The following ALG6 variants were observed in gnomAD, a reference collection of about 807,000 sequenced individuals.
The protein encoded by ALG6 is dolichyl pyrophosphate Man9GlcNAc2 alpha-1,3-glucosyltransferase.
ALG6 carries 46 observed loss-of-function variants against 66.6 expected under a neutral mutation model. That is an observed-to-expected ratio of 0.69 (90% confidence interval 0.55 to 0.88). The LOEUF (loss-of-function observed/expected upper bound fraction) is 0.88. Among genes scored for constraint, ALG6 ranks in the 40% least tolerant of loss-of-function variants. ALG6 has a pLI of 0.00. For missense variants in ALG6, 505 were observed against 586.8 expected, an observed-to-expected ratio of 0.86 and a Z score of 1.44; for synonymous variants, 185 against 203.7, an observed-to-expected ratio of 0.91 and a Z score of 0.78.
chr1:63,378,878 A>C (rs1204380439), intron 2 of ALG6, among the ~76,000 whole-genome samples: 5 of 136,828 alleles, frequency 3.7e-5, no homozygotes, highest in African/African-American at 1.4e-4. Context: ...TTTTTTTTTA[A>C]CTCCCCATTG....
At chr1:63,386,000 A>G (rs1319619566) in intron 2 of ALG6, among the ~76,000 whole-genome samples, 4 of 152,088 alleles carry the variant, frequency 2.6e-5, no homozygotes, top group Non-Finnish European at 4.4e-5. Context: ...TCTAAACTCA[A>G]TTTTTTGAGG....
chr1:63,418,809 TAGATGTGTAGCATGGATA>T (rs1443445444), intron 11 of ALG6, among the ~76,000 whole-genome samples: 28 of 152,320 alleles, frequency 1.8e-4, no homozygotes, highest in Admixed American at 8.5e-4. Context: ...GCTGATGGGT[TAGATGTGTAGCATGGATA>T]AGATTCAAGG....
intron 5 of ALG6, among the ~76,000 whole-genome samples, chr1:63,405,740 A>G (rs1302471028): frequency 1.3e-5 from 2 of 152,080 alleles, no homozygotes; most frequent in Non-Finnish European, 2.9e-5. Context: ...TAAGCTCTTT[A>G]GACAGCTATG....
Position 63,411,130 on chromosome 1 carries a change from C to A in ALG6, c.495-16C>A, listed in dbSNP as rs371088118. 9 of 1,612,304 alleles carry A rather than the reference C, an allele frequency of 5.6e-6. No homozygotes were observed. The African/African-American group carries it at 1.1e-4, about 19-fold the overall frequency. ...TTTAAAAGATTATTGAGATAATTTCCTTGACACAGGAACATATATAATTCT... is the reference window on the plus strand; with the variant it reads ...TTTAAAAGATTATTGAGATAATTTCATTGACACAGGAACATATATAATTCT... On this transcript the variant is annotated splice_polypyrimidine_tract_variant and intron_variant, in intron 7 of 14. Coordinates refer to ENST00000263440, the MANE Select transcript of ALG6 (RefSeq NM_013339.4).
intron 3 of ALG6, among the ~76,000 whole-genome samples, chr1:63,398,507 C>G (rs181879246): frequency 1.3e-5 from 2 of 152,158 alleles, no homozygotes; most frequent in Admixed American, 6.5e-5. Flanking sequence ...GAGTCTCGCT[C>G]TGTTGTCCAG....
chr1:63,391,308 G>A (rs1487367256), intron 2 of ALG6, among the ~76,000 whole-genome samples: 2 of 152,132 alleles, frequency 1.3e-5, no homozygotes, highest in Non-Finnish European at 2.9e-5. Context: ...ATGAAGACCC[G>A]AAGAAACAGT....
intron 2 of ALG6, among the ~76,000 whole-genome samples, chr1:63,373,496 G>A (rs576012320): frequency 1.2e-3 from 182 of 151,596 alleles, no homozygotes; most frequent in Admixed American, 3.1e-3. Context: ...TGGGGAGGCT[G>A]AGGCACGAGA....
chr1:63,408,254 A>G (rs187881232), intron 7 of ALG6, among the ~76,000 whole-genome samples: 8 of 152,294 alleles, frequency 5.3e-5, no homozygotes, highest in Admixed American at 3.9e-4. Context: ...TGAAAGGGAC[A>G]GCATAGTAAG....
In ALG6 at chr1:63,392,239, C is replaced by T. The variant is rs538057359; in HGVS notation, c.83-4274C>T. On this transcript the variant is annotated intron_variant, in intron 2 of 14. Coordinates refer to ENST00000263440, the MANE Select transcript of ALG6 (RefSeq NM_013339.4). ...AGGCTGGAGTGCAATGGCATGATCTCGGCTCACTGCAACCTCTGCCTCCCA... is the reference window on the plus strand; with the variant it reads ...AGGCTGGAGTGCAATGGCATGATCTTGGCTCACTGCAACCTCTGCCTCCCA... 9.6e-4 allele frequency among the ~76,000 whole-genome samples: 145 copies of T among 151,762 alleles called. No individual in the cohort carries two copies. The South Asian group carries it at 0.011, about 11-fold the overall frequency.
rs116660078 is a variant in ALG6 at position 63,429,123 on chromosome 1, T to C, written c.1323T>C (p.Tyr441=). 17,769 of 1,587,532 alleles carry C rather than the reference T, an allele frequency of 0.011. 127 individuals carry two copies. The highest frequency in any genetic ancestry group is 0.014 in the Non-Finnish European group (16,135 of 1,162,368). ...CFTFLSRIIQ[Y]LFLISVITMV... ...CATTTCTTTCCAGAATTATACAATA[T>C]TTGGTAAGTTCAATTTTTAAGAAAT... is the stretch of plus-strand genomic sequence containing the variant. Residue 441 remains tyrosine (Y), a synonymous_variant, in exon 14 of 15, where the codon TAT becomes TAC. Coordinates refer to ENST00000263440, the MANE Select transcript of ALG6 (RefSeq NM_013339.4).
chr1:63,431,836 C>T (rs1477780584), intron 14 of ALG6, among the ~76,000 whole-genome samples: 1 of 152,028 alleles, frequency 6.6e-6, no homozygotes. Flanking sequence ...TCATAATGTT[C>T]ATTGCTACTA....
At chr1:63,386,714 G>A (rs1047148142) in intron 2 of ALG6, among the ~76,000 whole-genome samples, 1 of 151,658 alleles carries the variant, frequency 6.6e-6, no homozygotes, top group Non-Finnish European at 1.5e-5. Flanking sequence ...TTTTTTCCTA[G>A]TCTGGCTAAA....
intron 2 of ALG6, among the ~76,000 whole-genome samples, chr1:63,373,254 G>GC (rs1161927474): frequency 6.6e-6 from 1 of 151,478 alleles, no homozygotes; most frequent in Non-Finnish European, 1.5e-5. Context: ...TGATCTGCCT[G>GC]CCCCAGCCTC....
Position 63,404,476 on chromosome 1 carries a change from G to C in ALG6, c.281G>C (p.Trp94Ser), listed in dbSNP as rs1644480834. 1 of 1,613,624 alleles carries C rather than the reference G, an allele frequency of 6.2e-7. No homozygotes were observed. The highest frequency in any genetic ancestry group is 1.3e-5 in the African/African-American group (1 of 75,014). ...AGGGCAAAGTTTATAAATCCAGACT[G>C]GATTGCTCTCCATACATCACGTGGA... The part of the protein sequence containing the change: ...AYVAKFINPD[W>S]IALHTSRGYE... Residue 94 changes from tryptophan (W) to serine (S), a missense_variant, in exon 5 of 15, where the codon TGG (tryptophan) becomes TCG (serine). By Grantham distance (177) the Trp-to-Ser change is radical. Coordinates refer to ENST00000263440, the MANE Select transcript of ALG6 (RefSeq NM_013339.4).
At chr1:63,382,898 G>A (rs11208202) in intron 2 of ALG6, among the ~76,000 whole-genome samples, 24,228 of 151,798 alleles carry the variant, frequency 0.16, 2,322 homozygotes, top group South Asian at 0.23. Flanking sequence ...GGATGGTCTC[G>A]AGCTCCTGAC....
rs866128512 is a variant in ALG6, at chr1:63,400,361, G to A, written c.168-1893G>A. Among the ~76,000 whole-genome samples, 14 of 101,204 alleles carry A rather than the reference G, an allele frequency of 1.4e-4. 2 individuals are homozygous for A. The highest frequency in any genetic ancestry group is 4.8e-4 in the African/African-American group (10 of 20,806). 66.4% of individuals were successfully genotyped at this position (101,204 alleles called of 152,430 possible). ...CGTATATATATATGTATATATATAT[G>A]TATATATATGTATATATATATAAAA... On this transcript the variant is annotated intron_variant, in intron 3 of 14. Coordinates refer to ENST00000263440, the MANE Select transcript of ALG6 (RefSeq NM_013339.4).
intron 2 of ALG6, among the ~76,000 whole-genome samples, chr1:63,390,115 T>C (rs905722410): frequency 2.0e-5 from 3 of 152,150 alleles, no homozygotes; most frequent in African/African-American, 7.2e-5. Flanking sequence ...GGCCCAAGGG[T>C]TCTTCATCAG....
intron 7 of ALG6, 93 bp from the exon 8 acceptor site, chr1:63,411,053 C>G: frequency 8.1e-7 from 1 of 1,235,608 alleles, no homozygotes; most frequent in Non-Finnish European, 1.2e-6. Context: ...TATGAGCTTG[C>G]ATTTCCTAGA....
At chr1:63,374,973 G>A (rs1338660727) in intron 2 of ALG6, among the ~76,000 whole-genome samples, 1 of 152,114 alleles carries the variant, frequency 6.6e-6, no homozygotes, top group Non-Finnish European at 1.5e-5. Context: ...GCTTTGGGAG[G>A]CTGAGGCAGG....
Sources: allele counts gnomAD v4.1 joint callset (sites outside exome capture counted in the v4.1 genomes callset), GRCh38; gene constraint gnomAD v4.1.1; transcripts MANE v1.5; gene names NCBI Gene and HGNC (gene_info 2026-07-23, HGNC 2026-07-21).